The following NSMCE2 variants were observed in gnomAD, a reference collection of about 807,000 sequenced individuals.
NSMCE2 encodes E3 SUMO-protein ligase NSE2.
NSMCE2 carries 24 observed loss-of-function variants against 23.8 expected under a neutral mutation model. The ratio of observed to expected loss-of-function variants is 1.01; its 90% CI spans 0.73 to 1.42. The LOEUF is 1.42. Ranked by LOEUF, NSMCE2 falls within the 40% of genes most tolerant of loss-of-function variation. The pLI, the probability that NSMCE2 is intolerant of heterozygous loss-of-function variation, is 0.00. For synonymous variants in NSMCE2, 92 were observed against 94.1 expected, an observed-to-expected ratio of 0.98 and a Z score of 0.13; for missense variants, 284 against 296.5, an observed-to-expected ratio of 0.96 and a Z score of 0.31.
rs377703235 is a variant in NSMCE2, at chr8:125,151,231, G to T, written c.218G>T (p.Arg73Leu). ...KAMVEFATLD[R>L]QLNHYVKAVQ... ...ATGGTTGAATTTGCTACATTGGATC[G>T]GCAACTAAACCATTATGTAAAGGCT... Residue 73 changes from arginine to leucine, a missense_variant, in exon 4 of 8, where the codon CGG (arginine) becomes CTG (leucine). By Grantham distance (102) the Arg-to-Leu change is moderately radical (BLOSUM62 -2). This residue lies in a region of NSMCE2 where 182 missense variants were observed against 155.5 expected (regional missense o/e 1.17). Transcript: ENST00000287437. 2.5e-6 allele frequency: 4 copies of T among 1,606,984 alleles called. No individual in the cohort carries two copies. Among genetic ancestry groups the T allele is most frequent in the Non-Finnish European group, 3.4e-6 (4 of 1,174,598 alleles).
intron 5 of NSMCE2, among the ~76,000 whole-genome samples, chr8:125,332,942 G>C (rs1829930646): frequency 6.6e-6 from 1 of 152,196 alleles, no homozygotes; most frequent in Non-Finnish European, 1.5e-5. Context: ...GACCTCAAGA[G>C]AGAGGGATAA....
At chr8:125,238,913 CTGTATATTGTTACAGAGCTGTTCT>C (rs1206578914) in intron 5 of NSMCE2, among the ~76,000 whole-genome samples, 1 of 152,142 alleles carries the variant, frequency 6.6e-6, no homozygotes, top group African/African-American at 2.4e-5. Flanking sequence ...GCTCCTATTC[CTGTATATTGTTACAGAGCTGTTCT>C]TGTATATTGA....
intron 4 of NSMCE2, among the ~76,000 whole-genome samples, chr8:125,152,295 G>A (rs992822916): frequency 2.6e-5 from 4 of 152,162 alleles, no homozygotes; most frequent in Admixed American, 1.3e-4. Context: ...TGACAGTGCC[G>A]TTATGTTGAC....
intron 4 of NSMCE2, among the ~76,000 whole-genome samples, chr8:125,161,153 A>G (rs889101385): frequency 6.6e-6 from 1 of 152,212 alleles, no homozygotes; most frequent in Non-Finnish European, 1.5e-5. Context: ...TGTCCTTGGG[A>G]GAATGGAGAG....
chr8:125,309,248 C>CAAAAAAAA (rs111355815), intron 5 of NSMCE2, among the ~76,000 whole-genome samples: 1 of 65,508 alleles, frequency 1.5e-5, no homozygotes, highest in Non-Finnish European at 3.7e-5. Flanking sequence ...AACTCTGTCT[C>CAAAAAAAA]AAAAAAAAAA....
At chr8:125,311,432 G>A (rs1828969384) in intron 5 of NSMCE2, among the ~76,000 whole-genome samples, 1 of 152,142 alleles carries the variant, frequency 6.6e-6, no homozygotes, top group Non-Finnish European at 1.5e-5. Flanking sequence ...CAAAAACATA[G>A]ATAATAAAAA....
At chr8:125,294,855 G>C (rs566080279) in intron 5 of NSMCE2, among the ~76,000 whole-genome samples, 7 of 152,172 alleles carry the variant, frequency 4.6e-5, no homozygotes, top group Middle Eastern at 3.2e-3. Flanking sequence ...GGATAATCCA[G>C]ACAGCACTTT....
At chr8:125,183,624 A>G (rs1822936874) in intron 5 of NSMCE2, among the ~76,000 whole-genome samples, 1 of 142,928 alleles carries the variant, frequency 7.0e-6, no homozygotes, top group African/African-American at 2.9e-5. Context: ...CATGATATTT[A>G]TTACTCAGTG....
At chr8:125,242,323 A>G (rs1825794697) in intron 5 of NSMCE2, among the ~76,000 whole-genome samples, 1 of 152,116 alleles carries the variant, frequency 6.6e-6, no homozygotes, top group South Asian at 2.1e-4. Context: ...GCAATATGGC[A>G]GCAACAGACA....
At chr8:125,346,034 G>C (rs1052352071) in intron 5 of NSMCE2, among the ~76,000 whole-genome samples, 1 of 152,204 alleles carries the variant, frequency 6.6e-6, no homozygotes, top group Non-Finnish European at 1.5e-5. Flanking sequence ...GCACATGCCT[G>C]TAATCCCAGC....
intron 5 of NSMCE2, among the ~76,000 whole-genome samples, chr8:125,193,476 A>G (rs1397183863): frequency 6.6e-6 from 1 of 152,232 alleles, no homozygotes; most frequent in Admixed American, 6.5e-5. Flanking sequence ...AACCACATTC[A>G]TAGAATAAAC....
chr8:125,188,861 C>T (rs1321758906), intron 5 of NSMCE2, among the ~76,000 whole-genome samples: 1 of 152,064 alleles, frequency 6.6e-6, no homozygotes, highest in African/African-American at 2.4e-5. Flanking sequence ...GGTATGGGAG[C>T]CCCCTCATCC....
chr8:125,198,266 G>A (rs188339058), intron 5 of NSMCE2, among the ~76,000 whole-genome samples: 32 of 152,162 alleles, frequency 2.1e-4, no homozygotes, highest in Non-Finnish European at 2.9e-4. Context: ...ATCTTGTGCC[G>A]GTTTTCAAAG....
intron 1 of NSMCE2, among the ~76,000 whole-genome samples, chr8:125,093,272 T>C (rs1394044429): frequency 1.3e-5 from 2 of 152,184 alleles, no homozygotes; most frequent in African/African-American, 4.8e-5. Context: ...GTGGGCCTCA[T>C]CACCTCCCAA....
intron 5 of NSMCE2, among the ~76,000 whole-genome samples, chr8:125,217,254 T>G (rs1824629966): frequency 6.6e-6 from 1 of 152,208 alleles, no homozygotes; most frequent in Non-Finnish European, 1.5e-5. Context: ...TGAAAATAGC[T>G]TTTGAATCTC....
At chr8:125,134,967 G>A (rs1388437662) in intron 3 of NSMCE2, among the ~76,000 whole-genome samples, 1 of 152,010 alleles carries the variant, frequency 6.6e-6, no homozygotes, top group East Asian at 1.9e-4. Flanking sequence ...GAGTGCAGTG[G>A]CTCAATATTG....
Position 125,141,046 on chromosome 8 carries a change from A to G in NSMCE2, c.158-10125A>G, listed in dbSNP as rs117538404. On this transcript the variant is annotated intron_variant, in intron 3 of 7. Transcript: ENST00000287437. Reference sequence around the variant, plus strand: ...TAAAATGACAGATTCCCATAGCCTGAGTTTCCATAGTGTTTTTGATGGCTG... The same window carrying G: ...TAAAATGACAGATTCCCATAGCCTGGGTTTCCATAGTGTTTTTGATGGCTG... Among the ~76,000 whole-genome samples, 822 of 152,266 alleles carry G rather than the reference A, an allele frequency of 5.4e-3. 1 individual carries two copies. The highest frequency in any genetic ancestry group is 0.01 in the Non-Finnish European group (694 of 68,014).
intron 5 of NSMCE2, among the ~76,000 whole-genome samples, chr8:125,273,399 A>C (rs1363570423): frequency 2.0e-5 from 3 of 152,242 alleles, no homozygotes; most frequent in Non-Finnish European, 2.9e-5. Context: ...TATGGAAAAC[A>C]GTGTGCGGTA....
rs1563803877 is a variant in NSMCE2 at position 125,357,252 on chromosome 8, C to G, written c.452C>G (p.Thr151Arg). The change falls in exon 6 of 8, where the codon ACA (threonine) becomes AGA (arginine). Residue 151 changes from threonine to arginine, a missense_variant. This residue lies in a region of NSMCE2 where 102 missense variants were observed against 141.0 expected (regional missense o/e 0.72). Transcript: ENST00000287437. Reference protein sequence around the residue: ...GLQADREADGTEGVDEDIIVT... With the variant: ...GLQADREADGREGVDEDIIVT... ...CAAGCTGACAGAGAAGCTGACGGAA[C>G]AGAAGGAGTGGATGAAGATATAATT... The G allele has an allele frequency of 6.2e-7, 1 of 1,613,618 alleles. No homozygotes were observed. The highest frequency in any genetic ancestry group is 1.7e-5 in the Admixed American group (1 of 60,024).
Sources: allele counts gnomAD v4.1 joint callset (sites outside exome capture counted in the v4.1 genomes callset), GRCh38; gene constraint gnomAD v4.1.1; regional missense constraint gnomAD v4.1.1; transcripts MANE v1.5; gene names NCBI Gene and HGNC (gene_info 2026-07-23, HGNC 2026-07-21).